The following DCBLD1 variants were observed in gnomAD, a reference collection of about 807,000 sequenced individuals.
DCBLD1 encodes discoidin, CUB and LCCL domain containing 1, also known as discoidin, CUB and LCCL domain-containing protein 1.
DCBLD1 carries 57 observed loss-of-function variants against 71.5 expected under a neutral mutation model. That is an observed-to-expected ratio of 0.80 (90% CI 0.64 to 0.99). The LOEUF (loss-of-function observed/expected upper bound fraction) is 0.99. Among genes scored for constraint, DCBLD1 ranks in the 50% least tolerant of loss-of-function variants. The probability of loss-of-function intolerance (pLI) is 0.00; values close to 1 mark genes in which losing one functional copy is unlikely to be tolerated. For synonymous variants in DCBLD1, 380 were observed against 363.8 expected (o/e 1.04, Z -0.51); for missense variants, 891 against 923.5 (o/e 0.96, Z 0.46).
chr6:117,561,488 T>C lies in DCBLD1; in HGVS notation c.1616-8132T>C, dbSNP rs562963048. On this transcript the variant is annotated intron_variant, in intron 14 of 14. Transcript: ENST00000296955. ...TGCTACAATGGACAATTTTTTTGAC[T>C]AAATAAATACGGTGGCTAAAATCCA... The C allele has an allele frequency of 7.3e-5, 16 of 218,514 alleles. No homozygotes were observed. In the East Asian group the frequency reaches 1.1e-3, roughly 15 times the overall value. The allele number at this position is 218,514 out of a possible 1,614,324, so 13.5% of individuals were successfully genotyped here.
At chr6:117,541,479 A>C (rs1318806415) in intron 11 of DCBLD1, among the ~76,000 whole-genome samples, 1 of 152,210 alleles carries the variant, frequency 6.6e-6, no homozygotes, top group Non-Finnish European at 1.5e-5. Flanking sequence ...CTCTAGAAAA[A>C]TTTCAAGAAA....
At chr6:117,497,292 T>C (rs1026899473) in intron 1 of DCBLD1, among the ~76,000 whole-genome samples, 1 of 152,280 alleles carries the variant, frequency 6.6e-6, no homozygotes, top group African/African-American at 2.4e-5. Flanking sequence ...TTTTAAAGTC[T>C]AATCATACTT....
chr6:117,519,985 T>C (rs1387326551), intron 3 of DCBLD1, 35 bp downstream of exon 3: 1 of 1,607,182 alleles, frequency 6.2e-7, no homozygotes, highest in Admixed American at 1.7e-5. Context: ...TCTCTAAATG[T>C]TATCTGTCTA....
chr6:117,532,478 A>C (rs1414781510), intron 6 of DCBLD1, 85 bp downstream of exon 6: 2 of 1,440,086 alleles, frequency 1.4e-6, no homozygotes, highest in African/African-American at 2.9e-5. Context: ...TTGAAAAGAC[A>C]GCAGGGATGT....
intron 2 of DCBLD1, among the ~76,000 whole-genome samples, chr6:117,505,314 C>T (rs977801374): frequency 3.3e-5 from 5 of 152,092 alleles, no homozygotes; most frequent in African/African-American, 1.2e-4. Flanking sequence ...CTTATGGAGG[C>T]ATTTGTCAGG....
rs1241670174 is a variant in DCBLD1, at chr6:117,548,217, A to C, written c.1926A>C (p.Val642=). The C allele has an allele frequency of 1.9e-6, 3 of 1,550,390 alleles. No homozygotes were observed. The highest frequency in any genetic ancestry group is 3.3e-4 in the Middle Eastern group (2 of 6,014). ...TCTCCTCGGGCGGCTTCTCCCCCGT[A>C]GCGGGTGTGGGCGCCCAGGACGGAG... The part of the protein sequence containing the change: ...HSLSSGGFSP[V]AGVGAQDGDY... The change falls in exon 15 of 15, where the codon GTA becomes GTC. Residue 642 remains valine, a synonymous_variant. Transcript: ENST00000338728.
At chr6:117,499,204 C>T (rs558756947) in intron 1 of DCBLD1, among the ~76,000 whole-genome samples, 1 of 142,342 alleles carries the variant, frequency 7.0e-6, no homozygotes. Context: ...GAGTTCCAGA[C>T]CAGCCTGGGC....
chr6:117,543,092 G>A (rs1036434847), intron 11 of DCBLD1, 32 bp from the exon 12 acceptor site: 5 of 1,578,058 alleles, frequency 3.2e-6, no homozygotes, highest in South Asian at 2.2e-5. Context: ...GGTCATTTAT[G>A]TTGTAACGTG....
At chr6:117,556,186 T>TA (rs909579217) in intron 14 of DCBLD1, among the ~76,000 whole-genome samples, 27 of 152,228 alleles carry the variant, frequency 1.8e-4, no homozygotes, top group African/African-American at 6.5e-4. Flanking sequence ...TTTTCCTTGT[T>TA]ATAGTCCATT....
intron 2 of DCBLD1, among the ~76,000 whole-genome samples, chr6:117,516,381 T>C (rs988398546): frequency 1.1e-4 from 17 of 151,808 alleles, no homozygotes; most frequent in South Asian, 2.1e-4. Flanking sequence ...AAAGAAAGTA[T>C]TAACTCATGT....
intron 2 of DCBLD1, among the ~76,000 whole-genome samples, chr6:117,514,876 A>G (rs1778138694): frequency 6.6e-6 from 1 of 152,092 alleles, no homozygotes; most frequent in African/African-American, 2.4e-5. Context: ...ACAACTTAGT[A>G]TGATGGTATA....
intron 14 of DCBLD1, among the ~76,000 whole-genome samples, chr6:117,546,439 T>C (rs1356940830): frequency 1.3e-5 from 2 of 152,166 alleles, no homozygotes; most frequent in African/African-American, 4.8e-5. Flanking sequence ...AGCTCCCAGG[T>C]GACGCCTGTG....
At chr6:117,538,528 T>C (rs1234303702) in intron 7 of DCBLD1, 92 bp from the exon 8 acceptor site, 1 of 1,194,296 alleles carries the variant, frequency 8.4e-7, no homozygotes, top group Non-Finnish European at 1.2e-6. Context: ...AGTCAACTAG[T>C]TGAATATTTC....
chr6:117,547,394 G>A (rs989075704), intron 14 of DCBLD1, among the ~76,000 whole-genome samples: 3 of 152,058 alleles, frequency 2.0e-5, no homozygotes, highest in African/African-American at 7.2e-5. Context: ...CTTGCTATTG[G>A]AATAGCGCCT....
At chr6:117,494,744 T>C (rs1464590548) in intron 1 of DCBLD1, 1 of 152,130 alleles carries the variant, frequency 6.6e-6, no homozygotes, top group East Asian at 1.9e-4. Context: ...ATAACTTCAG[T>C]ATCATTTTTA....
At chr6:117,546,597 A>G (rs1370338765) in intron 14 of DCBLD1, among the ~76,000 whole-genome samples, 2 of 152,084 alleles carry the variant, frequency 1.3e-5, no homozygotes, top group Non-Finnish European at 2.9e-5. Flanking sequence ...TATGCCTTTC[A>G]TTCTCCTTCA....
chr6:117,548,317 A>T lies in DCBLD1; in HGVS notation c.2026A>T (p.Thr676Ser), dbSNP rs370984435. Reference protein sequence around the residue: ...DRPKAVSALATESGHPDSQKP... With the variant: ...DRPKAVSALASESGHPDSQKP... ...GCCCAAAGCTGTCAGCGCCCTCGCC[A>T]CCGAAAGCGGGCACCCTGACTCTCA... The change falls in exon 15 of 15, where the codon ACC becomes TCC. Residue 676 changes from threonine (T) to serine (S), a missense_variant. Transcript: ENST00000338728. 1 of 1,550,662 alleles carries T rather than the reference A, an allele frequency of 6.4e-7. No homozygotes were observed.
At chr6:117,567,133 C>G in intron 14 of DCBLD1, 2 of 723,024 alleles carry the variant, frequency 2.8e-6, no homozygotes, top group Non-Finnish European at 4.2e-6. Context: ...GTAGAGAGAT[C>G]TAAGAGATAG....
chr6:117,563,257 A>G (rs1263361191), intron 14 of DCBLD1: 2 of 1,607,798 alleles, frequency 1.2e-6, no homozygotes, highest in Non-Finnish European at 1.7e-6. Flanking sequence ...GGTCAATTTA[A>G]TAAGATTTTT....
Sources: gnomAD v4.1 joint callset for allele counts (sites outside exome capture counted in the v4.1 genomes callset) on GRCh38, gnomAD v4.1.1 for gene constraint, MANE v1.5 for transcripts, NCBI Gene and HGNC (gene_info 2026-07-23, HGNC 2026-07-21) for gene names.